The following DLG2 variants were observed in gnomAD, a reference collection of about 807,000 sequenced individuals.
DLG2 encodes disks large homolog 2.
DLG2 carries 45 observed loss-of-function variants against 132.5 expected under a neutral mutation model. That is an observed-to-expected ratio of 0.34 (90% CI 0.27 to 0.44). The LOEUF is 0.44. DLG2 is among the 20% of genes least tolerant of loss of function. The pLI, the probability that DLG2 is intolerant of heterozygous loss-of-function variation, is 1.00. For missense variants in DLG2, 1,045 were observed against 1,196.9 expected, an observed-to-expected ratio of 0.87 and a Z score of 1.87; for synonymous variants, 424 against 419.6, an observed-to-expected ratio of 1.01 and a Z score of -0.13.
At chr11:84,874,049 C>T (rs1320530807) in intron 6 of DLG2, among the ~76,000 whole-genome samples, 2 of 152,322 alleles carry the variant, frequency 1.3e-5, no homozygotes, top group South Asian at 4.1e-4. Flanking sequence ...AAACTAAACC[C>T]TCACATCTTT....
intron 4 of DLG2, among the ~76,000 whole-genome samples, chr11:85,178,157 A>G (rs2079436361): frequency 6.6e-6 from 1 of 152,158 alleles, no homozygotes; most frequent in East Asian, 1.9e-4. Context: ...AAGAATAGAC[A>G]ATATTTAGAC....
intron 6 of DLG2, among the ~76,000 whole-genome samples, chr11:84,580,288 T>C (rs2099513368): frequency 6.6e-6 from 1 of 152,210 alleles, no homozygotes; most frequent in East Asian, 1.9e-4. Context: ...AAAACAAATA[T>C]AAATAATCTA....
intron 18 of DLG2, among the ~76,000 whole-genome samples, chr11:83,720,518 C>T (rs2088211084): frequency 2.6e-5 from 4 of 151,738 alleles, no homozygotes; most frequent in African/African-American, 9.7e-5. Context: ...GCTTCATAGG[C>T]TTAGTAAAGA....
At chr11:84,722,533 GATT>G (rs931529847) in intron 6 of DLG2, among the ~76,000 whole-genome samples, 3 of 152,062 alleles carry the variant, frequency 2.0e-5, no homozygotes, top group African/African-American at 7.2e-5. Flanking sequence ...AAATAAACCT[GATT>G]ATGTCATAAT....
chr11:84,442,527 A>C (rs1473456182), intron 7 of DLG2, among the ~76,000 whole-genome samples: 5 of 152,176 alleles, frequency 3.3e-5, no homozygotes, highest in African/African-American at 1.2e-4. Flanking sequence ...GAGGCCTGTC[A>C]GTGGGTGCGG....
chr11:84,763,859 A>C (rs923548512), intron 6 of DLG2, among the ~76,000 whole-genome samples: 6 of 152,040 alleles, frequency 3.9e-5, no homozygotes, highest in Admixed American at 3.9e-4. Context: ...TCTATAATTT[A>C]CCTCCTTCAA....
rs542963902 is a variant in DLG2, at chr11:85,319,707, C to T, written c.41-34342G>A. Among the ~76,000 whole-genome samples, 5 of 151,942 alleles carry T rather than the reference C, an allele frequency of 3.3e-5. No homozygotes were observed. In the South Asian group the frequency reaches 1.0e-3, roughly 32 times the overall value. ...AGCCTGCCAAGACAGGTCACTGAGGCACCATTCCTGGAGAATGTTCAATGT... is the reference window on the plus strand; with the variant it reads ...AGCCTGCCAAGACAGGTCACTGAGGTACCATTCCTGGAGAATGTTCAATGT... On this transcript the variant is annotated intron_variant, in intron 3 of 27. Transcript: ENST00000376104.
At chr11:84,763,754 T>C (rs368073497) in intron 6 of DLG2, among the ~76,000 whole-genome samples, 10 of 152,306 alleles carry the variant, frequency 6.6e-5, no homozygotes, top group African/African-American at 2.4e-4. Context: ...TCAGAATAAC[T>C]TTTTTTAAAT....
At chr11:83,834,379 T>C (rs1276678843) in intron 16 of DLG2, among the ~76,000 whole-genome samples, 1 of 152,140 alleles carries the variant, frequency 6.6e-6, no homozygotes, top group Admixed American at 6.5e-5. Context: ...GGAATCCAGC[T>C]GTGAGGAAGT....
intron 3 of DLG2, among the ~76,000 whole-genome samples, chr11:85,412,372 T>A (rs552661747): frequency 2.0e-5 from 3 of 151,734 alleles, no homozygotes; most frequent in Non-Finnish European, 4.4e-5. Flanking sequence ...GGATTCCTGA[T>A]GACATTCTTT....
intron 6 of DLG2, among the ~76,000 whole-genome samples, chr11:84,999,272 G>C (rs1378175742): frequency 6.6e-6 from 1 of 152,002 alleles, no homozygotes; most frequent in African/African-American, 2.4e-5. Context: ...ATTTACCATA[G>C]AAATCCTAAG....
intron 22 of DLG2, among the ~76,000 whole-genome samples, chr11:83,478,755 C>CACA (rs2092833792): frequency 6.6e-6 from 1 of 151,958 alleles, no homozygotes; most frequent in African/African-American, 2.4e-5. Flanking sequence ...TGGATGGAAG[C>CACA]ACAACACTTG....
At position 83,576,515 on chromosome 11, in the gene DLG2, T is replaced by A. The variant is rs76772394; in HGVS notation, c.1941-34657A>T. 1.3e-3 allele frequency among the ~76,000 whole-genome samples: 191 copies of A among 151,046 alleles called. 3 individuals carry two copies. The highest frequency in any genetic ancestry group is 5.5e-3 in the East Asian group (28 of 5,124). ...TAGTAGCACTAATAAAAAGAAAAAA[T>A]TTATTTATGCCAGGAAAAAGAAACA... On this transcript the variant is annotated intron_variant, in intron 19 of 27. Coordinates refer to ENST00000376104, the MANE Select transcript of DLG2 (RefSeq NM_001142699.3).
chr11:84,658,620 G>A (rs1019287683), intron 6 of DLG2, among the ~76,000 whole-genome samples: 11 of 152,092 alleles, frequency 7.2e-5, no homozygotes, highest in African/African-American at 2.2e-4. Context: ...CCATGGTAAT[G>A]AGTTAGTTCT....
intron 6 of DLG2, among the ~76,000 whole-genome samples, chr11:84,766,197 G>A (rs1186431813): frequency 6.6e-5 from 10 of 151,966 alleles, no homozygotes; most frequent in Admixed American, 3.9e-4. Flanking sequence ...TCAAATTGTA[G>A]TGTCATTTTA....
chr11:85,444,288 G>A (rs900786098), intron 3 of DLG2, among the ~76,000 whole-genome samples: 1 of 152,152 alleles, frequency 6.6e-6, no homozygotes, highest in Non-Finnish European at 1.5e-5. Flanking sequence ...ACAGGGGTAG[G>A]AATGCCAGCA....
intron 3 of DLG2, among the ~76,000 whole-genome samples, chr11:85,420,743 C>T (rs1275144933): frequency 2.6e-5 from 4 of 152,178 alleles, no homozygotes; most frequent in African/African-American, 7.2e-5. Context: ...AGGGAAAAAC[C>T]AACCACCTAC....
At chr11:84,843,573 G>C (rs894358043) in intron 6 of DLG2, among the ~76,000 whole-genome samples, 4 of 151,868 alleles carry the variant, frequency 2.6e-5, no homozygotes, top group Non-Finnish European at 5.9e-5. Flanking sequence ...AACCCTCCCA[G>C]ACACCAACAT....
chr11:85,615,266 C>T (rs566573190), intron 2 of DLG2, among the ~76,000 whole-genome samples: 1 of 152,266 alleles, frequency 6.6e-6, no homozygotes, highest in South Asian at 2.1e-4. Flanking sequence ...CTTGTAATCC[C>T]AGCATTTTGG....
Sources: gnomAD v4.1 joint callset for allele counts (sites outside exome capture counted in the v4.1 genomes callset) on GRCh38, gnomAD v4.1.1 for gene constraint, MANE v1.5 for transcripts, NCBI Gene and HGNC (gene_info 2026-07-23, HGNC 2026-07-21) for gene names.